Variants in CR1L observed in about 807,000 individuals in gnomAD.
The protein encoded by CR1L is complement C3b/C4b receptor 1 like, also known as complement component receptor 1-like protein.
Under a neutral mutation model 62.3 loss-of-function variants are expected in CR1L, and 59 were observed. The observed-to-expected ratio is 0.95, with a 90% CI of 0.77 to 1.18. The LOEUF is 1.18. Ranked by LOEUF, CR1L falls within the 50% of genes most tolerant of loss-of-function variation. The probability of loss-of-function intolerance (pLI) is 0.00; values close to 1 mark genes in which losing one functional copy is unlikely to be tolerated. For synonymous variants in CR1L, 279 were observed against 248.7 expected (o/e 1.12, Z -1.15); for missense variants, 700 against 702.8 (o/e 1.00, Z 0.04).
intron 9 of CR1L, among the ~76,000 whole-genome samples, chr1:207,703,554 A>T (rs1664223908): frequency 6.6e-6 from 1 of 152,212 alleles, no homozygotes; most frequent in South Asian, 2.1e-4. Context: ...CCAATCAGGC[A>T]AGAGCTCTGA....
chr1:207,671,468 T>C (rs1663614305), intron 1 of CR1L, among the ~76,000 whole-genome samples: 1 of 150,870 alleles, frequency 6.6e-6, no homozygotes, highest in Non-Finnish European at 1.5e-5. Flanking sequence ...TAGAGGGTAC[T>C]CCTACTACCC....
chr1:207,651,478 T>A (rs1349309284), intron 1 of CR1L, among the ~76,000 whole-genome samples: 5 of 151,932 alleles, frequency 3.3e-5, no homozygotes, highest in African/African-American at 1.2e-4. Flanking sequence ...GACCAGGGAG[T>A]AAGAAAAGAA....
intron 10 of CR1L, chr1:207,710,941 A>G: frequency 2.6e-6 from 2 of 783,650 alleles, no homozygotes; most frequent in South Asian, 1.8e-5. Flanking sequence ...TGGGGTGTGC[A>G]AGCACTCATG....
chr1:207,702,836 A>T (rs4335377), intron 9 of CR1L, among the ~76,000 whole-genome samples: 17,331 of 152,256 alleles, frequency 0.11, 1,349 homozygotes, highest in East Asian at 0.38. Context: ...TAATTCCAGC[A>T]CTTTGGGAGG....
intron 9 of CR1L, among the ~76,000 whole-genome samples, chr1:207,707,876 C>T (rs1664293932): frequency 6.7e-6 from 1 of 148,856 alleles, no homozygotes; most frequent in South Asian, 2.1e-4. Context: ...AAAGACAGAA[C>T]TTAAGAAAGA....
chr1:207,706,013 GTATATATATA>G (rs139294447), intron 9 of CR1L, among the ~76,000 whole-genome samples: 74 of 133,590 alleles, frequency 5.5e-4, no homozygotes, highest in African/African-American at 1.5e-3. Flanking sequence ...GTGTGTGTAT[GTATATATATA>G]TATATATATA....
chr1:207,679,679 A>T (rs1663764740), intron 3 of CR1L, among the ~76,000 whole-genome samples: 1 of 152,354 alleles, frequency 6.6e-6, no homozygotes, highest in Admixed American at 6.5e-5. Flanking sequence ...ATAATTGCCA[A>T]AACTTGGAAG....
intron 7 of CR1L, 125 bp from the exon 8 acceptor site, chr1:207,699,064 T>C: frequency 8.4e-7 from 1 of 1,196,518 alleles, no homozygotes; most frequent in Non-Finnish European, 1.2e-6. Flanking sequence ...ACGTAGCCTG[T>C]GCAACTCTGC....
chr1:207,696,626 A>G (rs1337650330), intron 5 of CR1L, among the ~76,000 whole-genome samples: 3 of 152,296 alleles, frequency 2.0e-5, no homozygotes, highest in African/African-American at 4.8e-5. Flanking sequence ...TAAAGAAGTC[A>G]TTTTTCTAGT....
At chr1:207,668,864 T>C (rs1199674486) in intron 1 of CR1L, among the ~76,000 whole-genome samples, 1 of 150,978 alleles carries the variant, frequency 6.6e-6, no homozygotes, top group Non-Finnish European at 1.5e-5. Context: ...TTTAATCTAG[T>C]CTCCATACTA....
At chr1:207,720,785 T>G (rs1413419420) in intron 11 of CR1L, among the ~76,000 whole-genome samples, 1 of 152,216 alleles carries the variant, frequency 6.6e-6, no homozygotes. Context: ...AACTTGAATA[T>G]CTTAAGAGAG....
In CR1L at chr1:207,694,381, C is replaced by T. The variant is rs749665078; in HGVS notation, c.492C>T (p.Ile164=). Reference sequence around the variant, plus strand: ...TTATTTGTGGGCTACCCCCCACCATCGCCAATGGAGATTTCACTAGCATCA... The same window carrying T: ...TTATTTGTGGGCTACCCCCCACCATTGCCAATGGAGATTTCACTAGCATCA... The part of the protein sequence containing the change: ...DRIICGLPPT[I]ANGDFTSISR... The change falls in exon 5 of 12, where the codon ATC becomes ATT. Residue 164 remains isoleucine (I), a synonymous_variant. Coordinates refer to ENST00000508064, the MANE Select transcript of CR1L (RefSeq NM_175710.2). 1.4e-5 allele frequency: 23 copies of T among 1,613,878 alleles called. No individual in the cohort carries two copies. Among genetic ancestry groups the T allele is most frequent in the Admixed American group, 1.2e-4 (7 of 59,994 alleles).
At chr1:207,649,594 G>A (rs530943948) in intron 1 of CR1L, among the ~76,000 whole-genome samples, 17 of 152,242 alleles carry the variant, frequency 1.1e-4, no homozygotes, top group African/African-American at 4.1e-4. Context: ...CCAGATGAAT[G>A]GCAGTAATGG....
intron 1 of CR1L, among the ~76,000 whole-genome samples, chr1:207,660,502 A>G (rs1663402810): frequency 6.6e-6 from 1 of 152,192 alleles, no homozygotes; most frequent in African/African-American, 2.4e-5. Context: ...CCCCTTTATC[A>G]TTTTTTATTG....
At chr1:207,647,805 C>T (rs963869838) in intron 1 of CR1L, among the ~76,000 whole-genome samples, 8 of 152,138 alleles carry the variant, frequency 5.3e-5, no homozygotes, top group Admixed American at 4.6e-4. Flanking sequence ...GCAGGGCTTC[C>T]AGTACTTCAG....
At chr1:207,651,326 T>C (rs1168669393) in intron 1 of CR1L, among the ~76,000 whole-genome samples, 3 of 152,178 alleles carry the variant, frequency 2.0e-5, no homozygotes, top group African/African-American at 7.2e-5. Context: ...AATAAGTGCA[T>C]TGCAGGACAT....
rs542959896 is a variant in CR1L, at chr1:207,657,116, T to C, written c.97+11786T>C. The C allele has an allele frequency of 7.0e-6, 5 of 709,782 alleles. No individual in the cohort carries two copies. The South Asian group carries it at 8.3e-5, about 12-fold the overall frequency. The allele number at this position is 709,782 out of a possible 1,614,324, so 44.0% of individuals were successfully genotyped here. A position where few individuals can be genotyped will look rare whatever the true frequency, so the allele number is the denominator to read the frequency against. On this transcript the variant is annotated intron_variant, in intron 1 of 11. Transcript: ENST00000508064. ...ACATTTCTTTCCTCTTTTTCTTCAATTTTAAGAGATTTTGTGCACATGACC... is the reference window on the plus strand; with the variant it reads ...ACATTTCTTTCCTCTTTTTCTTCAACTTTAAGAGATTTTGTGCACATGACC...
intron 1 of CR1L, among the ~76,000 whole-genome samples, chr1:207,661,245 G>A (rs566601490): frequency 9.9e-5 from 15 of 152,282 alleles, no homozygotes; most frequent in African/African-American, 3.6e-4. Flanking sequence ...ACAGTGGGGT[G>A]TTAAACTCTC....
chr1:207,678,753 G>A (rs1285266071), intron 3 of CR1L, among the ~76,000 whole-genome samples: 8 of 152,134 alleles, frequency 5.3e-5, no homozygotes, highest in Admixed American at 1.3e-4. Flanking sequence ...GTTCTGTTCC[G>A]GAGGCTGGAA....
Sources: gnomAD v4.1 joint callset for allele counts (sites outside exome capture counted in the v4.1 genomes callset) on GRCh38, gnomAD v4.1.1 for gene constraint, MANE v1.5 for transcripts, NCBI Gene and HGNC (gene_info 2026-07-23, HGNC 2026-07-21) for gene names.